CFAP58: variants seen among roughly 807,000 people sequenced by gnomAD.
CFAP58 encodes cilia and flagella associated protein 58.
CFAP58 carries 88 observed loss-of-function variants against 119.5 expected under a neutral mutation model. The observed-to-expected ratio is 0.74, with a 90% CI of 0.62 to 0.88. The LOEUF (loss-of-function observed/expected upper bound fraction) is 0.88. Among genes scored for constraint, CFAP58 ranks in the 40% least tolerant of loss-of-function variants. The pLI, the probability that CFAP58 is intolerant of heterozygous loss-of-function variation, is 0.00. For missense variants in CFAP58, 990 were observed against 1,021.2 expected, an observed-to-expected ratio of 0.97 and a Z score of 0.42; for synonymous variants, 365 against 366.3, an observed-to-expected ratio of 1.00 and a Z score of 0.04.
chr10:104,377,738 C>A (rs1202035410), intron 8 of CFAP58, among the ~76,000 whole-genome samples: 1 of 152,132 alleles, frequency 6.6e-6, no homozygotes, highest in Admixed American at 6.5e-5. Context: ...TTAGGTTTCC[C>A]AGAATTGAAC....
chr10:104,422,182 A>G (rs1366313833), intron 15 of CFAP58, among the ~76,000 whole-genome samples: 2 of 152,226 alleles, frequency 1.3e-5, no homozygotes, highest in Non-Finnish European at 2.9e-5. Flanking sequence ...TCAAAACATA[A>G]AATAGGATAA....
chr10:104,407,514 A>G (rs1343826828), intron 15 of CFAP58, among the ~76,000 whole-genome samples: 1 of 152,202 alleles, frequency 6.6e-6, no homozygotes, highest in Non-Finnish European at 1.5e-5. Flanking sequence ...GAATACTGCC[A>G]GTTGCTATGT....
chr10:104,340,250 C>T, the CFAP58 span, among the ~76,000 whole-genome samples: 1 of 152,184 alleles, frequency 6.6e-6, no homozygotes, highest in Non-Finnish European at 1.5e-5. Context: ...AAACTCCTTG[C>T]AGTTCTTGGA....
chr10:104,399,765 A>G (rs1284090129), intron 12 of CFAP58, among the ~76,000 whole-genome samples: 1 of 152,102 alleles, frequency 6.6e-6, no homozygotes, highest in Non-Finnish European at 1.5e-5. Flanking sequence ...AGGAGCTTGC[A>G]TTCTAGTATA....
chr10:104,338,770 G>A, the CFAP58 span, among the ~76,000 whole-genome samples: 3 of 152,244 alleles, frequency 2.0e-5, no homozygotes, highest in Non-Finnish European at 4.4e-5. Flanking sequence ...GTCGGGGAGA[G>A]TTTTCTGCGG....
chr10:104,392,244 C>T lies in CFAP58; in HGVS notation c.1377C>T (p.Asn459=). ...TCTTTCTCCTCCAGGTCCTTATGAA[C>T]ATGGAAGACATAAAAGTTCGTGAAA... The part of the protein sequence containing the change: ...ASDLTQKVLM[N]MEDIKVRETQ... Residue 459 remains asparagine (N), a synonymous_variant, in exon 10 of 18, where the codon AAC becomes AAT. Coordinates refer to ENST00000369704, the MANE Select transcript of CFAP58 (RefSeq NM_001008723.2). The T allele has an allele frequency of 6.2e-7, 1 of 1,610,668 alleles. No homozygotes were observed. The highest frequency in any genetic ancestry group is 8.5e-7 in the Non-Finnish European group (1 of 1,178,840).
chr10:104,398,297 G>C (rs1324363021), intron 11 of CFAP58, among the ~76,000 whole-genome samples: 2 of 152,332 alleles, frequency 1.3e-5, no homozygotes, highest in East Asian at 3.9e-4. Context: ...GGAACTCTTG[G>C]GTGGTGACAA....
At chr10:104,377,537 A>T (rs562124841) in intron 8 of CFAP58, among the ~76,000 whole-genome samples, 1 of 152,176 alleles carries the variant, frequency 6.6e-6, no homozygotes, top group East Asian at 1.9e-4. Context: ...TTTTAGTTAC[A>T]GGGAATTAGG....
At chr10:104,382,956 G>A (rs1310546794) in intron 9 of CFAP58, among the ~76,000 whole-genome samples, 2 of 152,182 alleles carry the variant, frequency 1.3e-5, no homozygotes, top group Non-Finnish European at 2.9e-5. Flanking sequence ...GCTGTTTGGG[G>A]CTGGAGGAAC....
chr10:104,396,047 T>C (rs918833930), intron 11 of CFAP58, among the ~76,000 whole-genome samples: 5 of 152,200 alleles, frequency 3.3e-5, no homozygotes, highest in African/African-American at 1.2e-4. Context: ...ATTATGGTTG[T>C]GACAGGATGT....
chr10:104,403,878 TCTC>T, intron 14 of CFAP58, 38 bp downstream of exon 14: 1 of 1,313,344 alleles, frequency 7.6e-7, no homozygotes, highest in Non-Finnish European at 1.1e-6. Context: ...TCCCCAAATC[TCTC>T]CTCCTATCCC....
intron 7 of CFAP58, among the ~76,000 whole-genome samples, chr10:104,371,998 A>C (rs536629839): frequency 6.6e-6 from 1 of 152,316 alleles, no homozygotes; most frequent in South Asian, 2.1e-4. Flanking sequence ...AAAGTTAGGT[A>C]CAATCTAAAT....
rs151010100 is a variant in CFAP58, at chr10:104,438,236, G to A, written c.2257-9462G>A. On this transcript the variant is annotated intron_variant, in intron 15 of 17. Coordinates refer to ENST00000369704, the MANE Select transcript of CFAP58 (RefSeq NM_001008723.2). ...ATCTCATAACTTCAGTGGGTTGGGA[G>A]TCTGGGTATGGCTTAACTGGGTCCT... is the stretch of plus-strand genomic sequence containing the variant. Among the ~76,000 whole-genome samples the A allele has an allele frequency of 2.0e-5, 3 of 151,840 alleles. No homozygotes were observed. The East Asian group carries it at 5.8e-4, about 29-fold the overall frequency.
chr10:104,444,492 C>T (rs2013083526), intron 15 of CFAP58, among the ~76,000 whole-genome samples: 1 of 152,152 alleles, frequency 6.6e-6, no homozygotes, highest in Non-Finnish European at 1.5e-5. Context: ...TTATACACAC[C>T]ATTGCACAAT....
At chr10:104,388,179 C>T (rs1310789970) in intron 9 of CFAP58, among the ~76,000 whole-genome samples, 1 of 152,088 alleles carries the variant, frequency 6.6e-6, no homozygotes, top group East Asian at 1.9e-4. Context: ...AAGAAGCATG[C>T]TTCATATCAT....
At position 104,450,205 on chromosome 10, in the gene CFAP58, G is replaced by C. The variant is rs2013173155; in HGVS notation, c.2510+1G>C. 6.2e-7 allele frequency: 1 copy of C among 1,610,996 alleles called. No homozygotes were observed. Among genetic ancestry groups the C allele is most frequent in the African/African-American group, 1.3e-5 (1 of 74,708 alleles). On this transcript the variant is annotated splice_donor_variant, in intron 17 of 17. Transcript: ENST00000369704. LOFTEE classifies it high-confidence loss of function. ...AGAAACGTAAAGAACAACTTCAAAAGTAAGAATTAGTCAAACGTCCTAATT... is the reference window on the plus strand; with the variant it reads ...AGAAACGTAAAGAACAACTTCAAAACTAAGAATTAGTCAAACGTCCTAATT...
intron 15 of CFAP58, among the ~76,000 whole-genome samples, chr10:104,437,031 C>G (rs10884002): frequency 0.046 from 6,937 of 152,286 alleles, 379 homozygotes; most frequent in East Asian, 0.15. Context: ...CCATTTCTAT[C>G]TCAGTCATTG....
chr10:104,424,223 A>T (rs1429782403), intron 15 of CFAP58, among the ~76,000 whole-genome samples: 1 of 152,116 alleles, frequency 6.6e-6, no homozygotes, highest in East Asian at 1.9e-4. Flanking sequence ...TCCTTTTCTG[A>T]GTTCTTGACA....
intron 13 of CFAP58, among the ~76,000 whole-genome samples, chr10:104,401,997 A>G (rs1445446771): frequency 6.6e-6 from 1 of 152,236 alleles, no homozygotes; most frequent in Non-Finnish European, 1.5e-5. Flanking sequence ...TTTTTATTAC[A>G]TACACAAAGG....
Sources: allele counts gnomAD v4.1 joint callset (sites outside exome capture counted in the v4.1 genomes callset), GRCh38; gene constraint gnomAD v4.1.1; transcripts MANE v1.5; gene names NCBI Gene and HGNC (gene_info 2026-07-23, HGNC 2026-07-21).